NLRP2: variants seen among roughly 807,000 people sequenced by gnomAD.
NLRP2 encodes NACHT, LRR and PYD domains-containing protein 2.
NLRP2 carries 107 observed loss-of-function variants against 97.2 expected under a neutral mutation model. The observed-to-expected ratio is 1.10, with a 90% confidence interval of 0.94 to 1.29. NLRP2 has a LOEUF of 1.29. Ranked by LOEUF, NLRP2 falls within the 50% of genes most tolerant of loss-of-function variation. The pLI is 0.00. For missense variants in NLRP2, 1,495 were observed against 1,330.3 expected, an observed-to-expected ratio of 1.12 and a Z score of -1.93; for synonymous variants, 663 against 551.5, an observed-to-expected ratio of 1.20 and a Z score of -2.83.
At chr19:54,967,653 A>C (rs76807455) in intron 1 of NLRP2, among the ~76,000 whole-genome samples, 5 of 151,914 alleles carry the variant, frequency 3.3e-5, no homozygotes, top group Non-Finnish European at 7.4e-5. Context: ...CAAAAAAAAA[A>C]ATATATTGGA....
In NLRP2 at chr19:54,982,142, C is replaced by T. The variant is rs745577803; in HGVS notation, c.464-20C>T. Reference sequence around the variant, plus strand: ...AACTGATTGCATCCTCTCTCCCTTCCCTCCTCACCAATGATAAAGACAAAG... The same window carrying T: ...AACTGATTGCATCCTCTCTCCCTTCTCTCCTCACCAATGATAAAGACAAAG... On this transcript the variant is annotated intron_variant, in intron 5 of 12. Coordinates refer to ENST00000448584, the MANE Select transcript of NLRP2 (RefSeq NM_017852.5). 7 of 1,613,834 alleles carry T rather than the reference C, an allele frequency of 4.3e-6. No homozygotes were observed. The highest frequency in any genetic ancestry group is 5.9e-6 in the Non-Finnish European group (7 of 1,180,020).
chr19:54,998,594 T>G lies in NLRP2; in HGVS notation c.3050+1107T>G, dbSNP rs73057227. 3.3e-3 allele frequency among the ~76,000 whole-genome samples: 432 copies of G among 131,626 alleles called. 2 individuals are homozygous for G. The highest frequency in any genetic ancestry group is 0.012 in the Middle Eastern group (3 of 254). The allele number at this position is 131,626 out of a possible 152,430, so 86.4% of individuals were successfully genotyped here. On this transcript the variant is annotated intron_variant, in intron 12 of 12. Transcript: ENST00000448584. ...TTGGAGACAGTTTTACTCTTTTTTT[T>G]GGGGTGCATCTTTTTTCTTTTTTTT...
chr19:54,980,451 C>T (rs1022362812), intron 4 of NLRP2, among the ~76,000 whole-genome samples: 1 of 152,162 alleles, frequency 6.6e-6, no homozygotes, highest in Non-Finnish European at 1.5e-5. Flanking sequence ...GCCTTGGCCT[C>T]CCAAAGTGCT....
At chr19:54,998,840 C>G (rs370632944) in intron 12 of NLRP2, among the ~76,000 whole-genome samples, 5 of 150,576 alleles carry the variant, frequency 3.3e-5, no homozygotes, top group South Asian at 2.1e-4. Context: ...TGACTCTTAA[C>G]GAGCGTGCTG....
At chr19:54,971,917 C>T (rs938743294) in intron 2 of NLRP2, among the ~76,000 whole-genome samples, 6 of 151,992 alleles carry the variant, frequency 3.9e-5, no homozygotes, top group African/African-American at 1.2e-4. Context: ...CAACCTCCGC[C>T]TCCCGGGTTC....
At chr19:54,973,360 T>TTTTGG (rs2070995784) in intron 2 of NLRP2, among the ~76,000 whole-genome samples, 1 of 149,346 alleles carries the variant, frequency 6.7e-6, no homozygotes, top group African/African-American at 2.5e-5. Context: ...TTTTTTTTTT[T>TTTTGG]TTTGGTTTGG....
chr19:54,980,930 C>G (rs1007044038), intron 4 of NLRP2, among the ~76,000 whole-genome samples: 1 of 152,052 alleles, frequency 6.6e-6, no homozygotes, highest in East Asian at 1.9e-4. Flanking sequence ...GCCAACATGG[C>G]GAAACCCCAT....
chr19:54,975,108 T>TTTG (rs2071125747), intron 3 of NLRP2, among the ~76,000 whole-genome samples: 1 of 12,218 alleles, frequency 8.2e-5, no homozygotes, highest in Admixed American at 1.0e-3. Flanking sequence ...CCGGTTTTGT[T>TTTG]TTTTTTTTTT....
intron 4 of NLRP2, among the ~76,000 whole-genome samples, chr19:54,980,374 G>T (rs943378310): frequency 6.8e-5 from 10 of 148,062 alleles, no homozygotes; most frequent in African/African-American, 2.2e-4. Context: ...TTTTGTATTT[G>T]TAGTAGAGAC....
intron 4 of NLRP2, 92 bp from the exon 5 acceptor site, chr19:54,981,525 G>GCCCC: frequency 1.7e-5 from 5 of 289,314 alleles, no homozygotes; most frequent in Admixed American, 3.4e-5. Flanking sequence ...CCTCCCCCCC[G>GCCCC]CCCCATCAGC....
chr19:55,000,027 A>C (rs2073089019), intron 12 of NLRP2, among the ~76,000 whole-genome samples: 1 of 152,082 alleles, frequency 6.6e-6, no homozygotes, highest in African/African-American at 2.4e-5. Flanking sequence ...ATGACCCACC[A>C]CATCTGGCCT....
rs369147616 is a variant in NLRP2 at position 54,985,186 on chromosome 19, G to C, written c.2170G>C (p.Ala724Pro). 15 of 1,613,938 alleles carry C rather than the reference G, an allele frequency of 9.3e-6. No homozygotes were observed. Among genetic ancestry groups the C allele is most frequent in the Non-Finnish European group, 1.3e-5 (15 of 1,180,016 alleles). ...AGTAAGGATCCTGTGTGAACAAATA[G>C]CCTCTGACACCTGTCATCTCCAGAG... ...SLVRILCEQI[A>P]SDTCHLQRVV... The change falls in exon 7 of 13, where the codon GCC becomes CCC. Residue 724 changes from alanine (A) to proline (P), a missense_variant. Physicochemically the swap from Ala to Pro is conservative, Grantham distance 27 (BLOSUM62 -1). Transcript: ENST00000448584.
chr19:54,990,199 C>G lies in NLRP2; in HGVS notation c.2537+7C>G, dbSNP rs1568523527. 6 of 1,613,710 alleles carry G rather than the reference C, an allele frequency of 3.7e-6. No homozygotes were observed. The highest frequency in any genetic ancestry group is 1.1e-5 in the South Asian group (1 of 91,072). ...GCTTTCTGCAGAGGTTGTCGTAAGTCTCTCCTCTCTTACAGAGCAGCTGTG... is the reference window on the plus strand; with the variant it reads ...GCTTTCTGCAGAGGTTGTCGTAAGTGTCTCCTCTCTTACAGAGCAGCTGTG... On this transcript the variant is annotated splice_region_variant and intron_variant, in intron 9 of 12. Coordinates refer to ENST00000448584, the MANE Select transcript of NLRP2 (RefSeq NM_017852.5).
At chr19:54,989,046 C>G (rs1388186997) in intron 8 of NLRP2, among the ~76,000 whole-genome samples, 1 of 151,996 alleles carries the variant, frequency 6.6e-6, no homozygotes, top group Non-Finnish European at 1.5e-5. Context: ...CAACCTCCGC[C>G]TCCTGGGTTC....
chr19:54,979,499 C>G (rs2071440377), intron 4 of NLRP2, among the ~76,000 whole-genome samples: 3 of 151,964 alleles, frequency 2.0e-5, no homozygotes, highest in Admixed American at 2.0e-4. Flanking sequence ...ACCACCACAT[C>G]TGGCTAATTT....
At chr19:54,984,634 G>A (rs973077326) in intron 6 of NLRP2, among the ~76,000 whole-genome samples, 3 of 150,102 alleles carry the variant, frequency 2.0e-5, no homozygotes, top group African/African-American at 4.9e-5. Flanking sequence ...AGCCACCCAC[G>A]ACCATGCCCA....
chr19:54,973,342 G>A (rs977373453), intron 2 of NLRP2, among the ~76,000 whole-genome samples: 15 of 99,888 alleles, frequency 1.5e-4, no homozygotes, highest in African/African-American at 7.8e-4. Flanking sequence ...CAATGGGTGA[G>A]GGTTTTTTTT....
chr19:54,983,378 C>G lies in NLRP2; in HGVS notation c.1680C>G (p.Leu560=), dbSNP rs61735085. The part of the protein sequence containing the change: ...LIQAGYYSFG[L]ANEKRAKELE... ...AAGCAGGCTACTACTCCTTTGGCCT[C>G]GCTAACGAGAAGAGAGCCAAGGAGT... The change falls in exon 6 of 13, where the codon CTC becomes CTG. Residue 560 remains leucine (L), a synonymous_variant. Coordinates refer to ENST00000448584, the MANE Select transcript of NLRP2 (RefSeq NM_017852.5). The G allele has an allele frequency of 3.1e-6, 5 of 1,614,202 alleles. No homozygotes were observed. Among genetic ancestry groups the G allele is most frequent in the Middle Eastern group, 3.3e-4 (2 of 6,062 alleles).
chr19:54,970,548 C>G (rs190476391), intron 2 of NLRP2, among the ~76,000 whole-genome samples: 6 of 151,532 alleles, frequency 4.0e-5, no homozygotes. Flanking sequence ...CCAGCTACTC[C>G]GGGAGGCTGA....
Sources: gnomAD v4.1 joint callset for allele counts (sites outside exome capture counted in the v4.1 genomes callset) on GRCh38, gnomAD v4.1.1 for gene constraint, MANE v1.5 for transcripts, NCBI Gene and HGNC (gene_info 2026-07-23, HGNC 2026-07-21) for gene names.